Variants in RAD21L1 observed in about 807,000 individuals in gnomAD.
RAD21L1 encodes the protein double-strand-break repair protein rad21-like protein 1.
Under a neutral mutation model 69.0 loss-of-function variants are expected in RAD21L1, and 47 were observed. The ratio of observed to expected loss-of-function variants is 0.68; its 90% confidence interval spans 0.54 to 0.87. RAD21L1 has a LOEUF of 0.87. Ranked by LOEUF, RAD21L1 falls within the 40% of genes least tolerant of loss-of-function variation. RAD21L1 has a pLI of 0.00. For synonymous variants in RAD21L1, 177 were observed against 205.8 expected (o/e 0.86, Z 1.20); for missense variants, 583 against 647.6 (o/e 0.90, Z 1.08).
Position 1,248,687 on chromosome 20 carries a change from T to C in RAD21L1, c.1463T>C (p.Met488Thr), listed in dbSNP as rs2087766356. 2 of 1,530,276 alleles carry C rather than the reference T, an allele frequency of 1.3e-6. No individual in the cohort carries two copies. The highest frequency in any genetic ancestry group is 8.8e-7 in the Non-Finnish European group (1 of 1,132,472). The allele number at this position is 1,530,276 out of a possible 1,614,324, so 94.8% of individuals were successfully genotyped here. ...AGATGGAATGGAAGAATACTTCAGA[T>C]GTTAAATCGTTTACGGGTGAGATGC... ...TERWNGRILQ[M>T]LNRLRESNKM... Residue 488 changes from methionine to threonine, a missense_variant, in exon 13 of 14, where the codon ATG becomes ACG. By Grantham distance (81) the Met-to-Thr change is moderately conservative (BLOSUM62 -1). Transcript: ENST00000683101.
At chr20:1,227,871 C>T (rs982258134) in intron 1 of RAD21L1, among the ~76,000 whole-genome samples, 3 of 152,116 alleles carry the variant, frequency 2.0e-5, no homozygotes, top group African/African-American at 7.2e-5. Context: ...CACTCCACTC[C>T]ACTTTTTGGA....
rs577260951 is a variant in RAD21L1, at chr20:1,243,148, A to T, written c.1135A>T (p.Ile379Leu). The change falls in exon 10 of 14, where the codon ATA becomes TTA. Residue 379 changes from isoleucine to leucine, a missense_variant. Ile to Leu is a conservative substitution (Grantham distance 5, BLOSUM62 2). Coordinates refer to ENST00000683101, the MANE Select transcript of RAD21L1 (RefSeq NM_001384355.1). The stretch of plus-strand genomic sequence containing the variant: ...TGGCTTTAAACTTGGAAGAAAAATG[A>T]TACAGAAGGAGTCAGTAAGGGAAGA... ...SSGFKLGRKMIQKESVREEVG... is the reference protein window; with the variant it reads ...SSGFKLGRKMLQKESVREEVG... 5 of 1,540,244 alleles carry T rather than the reference A, an allele frequency of 3.2e-6. No homozygotes were observed. In the African/African-American group the frequency reaches 6.9e-5, roughly 21 times the overall value.
intron 8 of RAD21L1, among the ~76,000 whole-genome samples, 158 bp from the exon 9 acceptor site, chr20:1,242,461 G>T (rs956059714): frequency 6.6e-6 from 1 of 152,102 alleles, no homozygotes; most frequent in African/African-American, 2.4e-5. Flanking sequence ...TTGAACTCCT[G>T]GGCCCAAGCA....
intron 11 of RAD21L1, among the ~76,000 whole-genome samples, chr20:1,245,794 T>A (rs543250522): frequency 6.6e-6 from 1 of 151,972 alleles, no homozygotes; most frequent in South Asian, 2.1e-4. Context: ...TCACTCTCAC[T>A]CCCTCTCTGC....
rs1270850104 is a variant in RAD21L1, at chr20:1,238,112, C to G, written c.544C>G (p.Pro182Ala). The G allele has an allele frequency of 6.5e-7, 1 of 1,542,086 alleles. No individual in the cohort carries two copies. Among genetic ancestry groups the G allele is most frequent in the Admixed American group, 2.0e-5 (1 of 50,958 alleles). ...DDNILLNSSGPLIEHSSGSLT... is the reference protein window; with the variant it reads ...DDNILLNSSGALIEHSSGSLT... ...CAACATATTACTGAATTCCAGTGGT[C>G]CTTTAATTGAACATAGTTCTGGAAG... The change falls in exon 6 of 14, where the codon CCT becomes GCT. Residue 182 changes from proline to alanine, a missense_variant. Transcript: ENST00000683101.
rs2087905901 is a variant in RAD21L1 at position 1,254,914 on chromosome 20, T to C, written c.*457T>C. Reference sequence around the variant, plus strand: ...CTTAGCATACATTTAGCATGCATTTTTAAAATGCTGTATGTTTTTGACAGA... The same window carrying C: ...CTTAGCATACATTTAGCATGCATTTCTAAAATGCTGTATGTTTTTGACAGA... On this transcript the variant is annotated 3_prime_UTR_variant, in exon 14 of 14. Transcript: ENST00000683101. Among the ~76,000 whole-genome samples the C allele has an allele frequency of 6.6e-6, 1 of 152,246 alleles. No individual in the cohort carries two copies. The highest frequency in any genetic ancestry group is 2.4e-5 in the African/African-American group (1 of 41,466).
intron 4 of RAD21L1, among the ~76,000 whole-genome samples, chr20:1,233,487 G>C (rs1341696135): frequency 6.6e-6 from 1 of 152,164 alleles, no homozygotes; most frequent in East Asian, 1.9e-4. Flanking sequence ...TGTTTAGTCT[G>C]TTTGGGCTGC....
rs191954081 is a variant in RAD21L1 at position 1,252,373 on chromosome 20, T to C, written c.1480-1896T>C. ...CACCTCTCACCTTCCCTAGATTGTA[T>C]TATATAACTGGGTTTTGTTCTCCCT... is the stretch of plus-strand genomic sequence containing the variant. On this transcript the variant is annotated intron_variant, in intron 13 of 13. Coordinates refer to ENST00000683101, the MANE Select transcript of RAD21L1 (RefSeq NM_001384355.1). 3.4e-3 allele frequency among the ~76,000 whole-genome samples: 523 copies of C among 152,240 alleles called. 4 individuals are homozygous for C. The highest frequency in any genetic ancestry group is 0.012 in the African/African-American group (481 of 41,550).
chr20:1,240,283 G>GT (rs768821865), intron 7 of RAD21L1, 38 bp from the exon 8 acceptor site: 61 of 1,508,004 alleles, frequency 4.0e-5, no homozygotes, highest in Admixed American at 1.4e-4. Flanking sequence ...ATCCTAACTG[G>GT]TTTTTTTTAC....
chr20:1,248,516 G>T, intron 12 of RAD21L1, 110 bp from the exon 13 acceptor site: 1 of 563,262 alleles, frequency 1.8e-6, no homozygotes, highest in East Asian at 3.1e-5. Context: ...TATTTGGCAG[G>T]ACCCATTGTA....
At position 1,246,459 on chromosome 20, in the gene RAD21L1, G is replaced by C. The variant is rs1371227075; in HGVS notation, c.1401+154G>C. Among the ~76,000 whole-genome samples, 1 of 152,094 alleles carries C rather than the reference G, an allele frequency of 6.6e-6. No homozygotes were observed. The highest frequency in any genetic ancestry group is 1.5e-5 in the Non-Finnish European group (1 of 68,008). On this transcript the variant is annotated intron_variant, in intron 12 of 13. Coordinates refer to ENST00000683101, the MANE Select transcript of RAD21L1 (RefSeq NM_001384355.1). The surrounding 1 kb of genome is among the most constrained non-coding windows in gnomAD (Gnocchi z 4.6). ...ATTACAACAGAGATGTTTGTGAATA[G>C]TTTGATAAAATATTCTGAATTGCTC...
intron 5 of RAD21L1, among the ~76,000 whole-genome samples, chr20:1,236,394 C>T (rs752526232): frequency 1.3e-5 from 2 of 152,216 alleles, no homozygotes; most frequent in African/African-American, 4.8e-5. Flanking sequence ...GGCCCTCTGC[C>T]AATTTATCAC....
chr20:1,244,957 T>G (rs1487568834), intron 11 of RAD21L1, among the ~76,000 whole-genome samples: 1 of 152,198 alleles, frequency 6.6e-6, no homozygotes, highest in African/African-American at 2.4e-5. Flanking sequence ...TACTGGATAT[T>G]GAGACACTGG....
At chr20:1,232,312 C>T (rs1272701606) in intron 4 of RAD21L1, among the ~76,000 whole-genome samples, 1 of 152,174 alleles carries the variant, frequency 6.6e-6, no homozygotes, top group Non-Finnish European at 1.5e-5. Flanking sequence ...TTATTTTACT[C>T]AGGGAACACA....
intron 10 of RAD21L1, 35 bp from the exon 11 acceptor site, chr20:1,244,011 T>A (rs1281363216): frequency 6.5e-7 from 1 of 1,532,114 alleles, no homozygotes; most frequent in South Asian, 1.2e-5. Context: ...GAAAGATATT[T>A]TGGTGAAATT....
At chr20:1,226,588 G>C (rs1223106848) in intron 1 of RAD21L1, among the ~76,000 whole-genome samples, 10 of 151,942 alleles carry the variant, frequency 6.6e-5, no homozygotes, top group African/African-American at 2.4e-4. Flanking sequence ...GTCCCCGCCC[G>C]GTCCCCTTCC....
rs537011397 is a variant in RAD21L1, at chr20:1,238,065, G to C, written c.497G>C (p.Arg166Thr). The change falls in exon 6 of 14, where the codon AGA becomes ACA. Residue 166 changes from arginine to threonine, a missense_variant. Physicochemically the swap from Arg to Thr is moderately conservative, Grantham distance 71 (BLOSUM62 -1). Coordinates refer to ENST00000683101, the MANE Select transcript of RAD21L1 (RefSeq NM_001384355.1). ...TTAGGGGAGGAATCTGAAATTCTCA[G>C]AAGACATAGCTTCTTTGATGACAAC... Reference protein sequence around the residue: ...ESFGEESEILRRHSFFDDNIL... With the variant: ...ESFGEESEILTRHSFFDDNIL... 5.3e-5 allele frequency: 81 copies of C among 1,516,154 alleles called. No homozygotes were observed. In the African/African-American group the frequency reaches 9.4e-4, roughly 18 times the overall value. 93.9% of individuals were successfully genotyped at this position (1,516,154 alleles called of 1,614,324 possible).
chr20:1,226,571 T>C (rs1440064343), intron 1 of RAD21L1, among the ~76,000 whole-genome samples: 2 of 151,758 alleles, frequency 1.3e-5, no homozygotes, highest in Middle Eastern at 3.4e-3. Context: ...CACGCCCCTC[T>C]CCCAGGGTCC....
At chr20:1,239,170 A>G (rs769474803) in intron 6 of RAD21L1, 142 bp from the exon 7 acceptor site, 99 of 580,220 alleles carry the variant, frequency 1.7e-4, no homozygotes, top group Admixed American at 6.3e-4. Flanking sequence ...TTCCTATCAA[A>G]TCTTTTTTAA....
Sources: allele counts gnomAD v4.1 joint callset (sites outside exome capture counted in the v4.1 genomes callset), GRCh38; gene constraint gnomAD v4.1.1; non-coding constraint Gnocchi (gnomAD v3.1); transcripts MANE v1.5; gene names NCBI Gene and HGNC (gene_info 2026-07-23, HGNC 2026-07-21).